The following ERN2 variants were observed in gnomAD, a reference collection of about 807,000 sequenced individuals.
ERN2 encodes the protein endoplasmic reticulum to nucleus signaling 2.
In ERN2, 111 loss-of-function variants were observed where a neutral mutation model predicts 107.9. That is an observed-to-expected ratio of 1.03 (90% CI 0.88 to 1.20). ERN2 has a LOEUF of 1.20. Among genes scored for constraint, ERN2 ranks in the 50% most tolerant of loss-of-function variants. ERN2 has a pLI of 0.00. For synonymous variants in ERN2, 524 were observed against 501.7 expected (o/e 1.04, Z -0.59); for missense variants, 1,225 against 1,197.9 (o/e 1.02, Z -0.33).
In ERN2 at chr16:23,713,104, C is replaced by T; in HGVS notation, c.84G>A (p.Leu28=). 2 of 1,576,528 alleles carry T rather than the reference C, an allele frequency of 1.3e-6. No individual in the cohort carries two copies. Among genetic ancestry groups the T allele is most frequent in the South Asian group, 1.2e-5 (1 of 86,144 alleles). ...GGTCCCTGGCTCTCACCTGTGGACT[C>T]AGCGTCCCGAGCAGCAGCGCCGCGA... ...LQFAALLLGT[L]SPQVHTLRPE... is the part of the protein sequence containing the mutation. Residue 28 remains leucine (L), a synonymous_variant, in exon 1 of 22, where the codon CTG becomes CTA. Transcript: ENST00000256797.
At chr16:23,705,665 C>CTGTCT (rs1960275608) in intron 7 of ERN2, among the ~76,000 whole-genome samples, 1 of 152,144 alleles carries the variant, frequency 6.6e-6, no homozygotes, top group South Asian at 2.1e-4. Context: ...GTAATCCCAG[C>CTGTCT]ACTTTGGGAA....
At chr16:23,691,539 G>A in intron 19 of ERN2, 114 bp from the exon 20 acceptor site, 1 of 1,289,164 alleles carries the variant, frequency 7.8e-7, no homozygotes. Flanking sequence ...TTGCCTCTGG[G>A]GGCGTGAAGC....
rs563334174 is a variant in ERN2 at position 23,701,170 on chromosome 16, C to T, written c.1204-56G>A. On this transcript the variant is annotated intron_variant, in intron 11 of 21. Coordinates refer to ENST00000256797, the MANE Select transcript of ERN2 (RefSeq NM_033266.4). ...CCCCCTTCCACCAGGGAACCCCTAA[C>T]TTTTCTTCATCACCCAGCACAGAGC... is the stretch of plus-strand genomic sequence containing the variant. 6.0e-4 allele frequency: 946 copies of T among 1,568,970 alleles called. 12 individuals carry two copies. The African/African-American group carries it at 0.011, about 18-fold the overall frequency.
rs1316767012 is a variant in ERN2 at position 23,710,157 on chromosome 16, C to G, written c.306+15G>C. The G allele has an allele frequency of 1.3e-6, 2 of 1,597,512 alleles. No individual in the cohort carries two copies. The highest frequency in any genetic ancestry group is 3.3e-5 in the Admixed American group (2 of 59,974). On this transcript the variant is annotated intron_variant, in intron 4 of 21. Coordinates refer to ENST00000256797, the MANE Select transcript of ERN2 (RefSeq NM_033266.4). Reference sequence around the variant, plus strand: ...CCTGGCTCTCACCCATTCCCGAACACCATGGGATACAAACCATTAATCCCT... The same window carrying G: ...CCTGGCTCTCACCCATTCCCGAACAGCATGGGATACAAACCATTAATCCCT...
chr16:23,710,126 G>T, intron 4 of ERN2, 46 bp downstream of exon 4: 1 of 1,381,706 alleles, frequency 7.2e-7, no homozygotes, highest in Non-Finnish European at 1.0e-6. Context: ...TCCAGCTGAC[G>T]AAAGCCCTGG....
At chr16:23,709,332 G>A (rs910399888) in intron 4 of ERN2, 23 of 333,462 alleles carry the variant, frequency 6.9e-5, no homozygotes, top group Admixed American at 6.8e-4. Flanking sequence ...AAGGAATTCC[G>A]ACAAAGCACA....
intron 8 of ERN2, 97 bp from the exon 9 acceptor site, chr16:23,702,799 AT>A: frequency 9.7e-7 from 1 of 1,035,102 alleles, no homozygotes; most frequent in Non-Finnish European, 1.5e-6. Flanking sequence ...TCCCTCTCAC[AT>A]TGACTCAGCT....
chr16:23,694,180 A>G (rs1274430505), intron 17 of ERN2, among the ~76,000 whole-genome samples: 1 of 152,156 alleles, frequency 6.6e-6, no homozygotes, highest in Non-Finnish European at 1.5e-5. Context: ...TGCTTTTGGT[A>G]GAGACGAGGT....
At chr16:23,707,184 T>G in intron 4 of ERN2, 105 bp from the exon 5 acceptor site, 3 of 811,432 alleles carry the variant, frequency 3.7e-6, no homozygotes, top group Non-Finnish European at 6.5e-6. Context: ...GGTATTACTA[T>G]CATTTCCACT....
chr16:23,691,292 T>C lies in ERN2; in HGVS notation c.2500+10A>G. ...TCCACCGCCCAGGCCCACCTGAGTA[T>C]GGCCTCTACCTGTCTGCAGCGGCAT... On this transcript the variant is annotated intron_variant, in intron 20 of 21. Coordinates refer to ENST00000256797, the MANE Select transcript of ERN2 (RefSeq NM_033266.4). The C allele has an allele frequency of 3.1e-6, 5 of 1,611,542 alleles. No homozygotes were observed. Among genetic ancestry groups the C allele is most frequent in the Non-Finnish European group, 4.2e-6 (5 of 1,179,288 alleles).
chr16:23,705,113 C>T lies in ERN2; in HGVS notation c.624G>A (p.Leu208=), dbSNP rs763048017. The T allele has an allele frequency of 5.0e-6, 8 of 1,613,550 alleles. No homozygotes were observed. The Admixed American group carries it at 1.3e-4, about 27-fold the overall frequency. The change falls in exon 8 of 22, where the codon CTG becomes CTA. Residue 208 remains leucine, a synonymous_variant. Coordinates refer to ENST00000256797, the MANE Select transcript of ERN2 (RefSeq NM_033266.4). ...CGCTTCCTGGGTCCACAGTGAGCAGCAGGCCCATCCCGCAGGACGCCAGGT... is the reference window on the plus strand; with the variant it reads ...CGCTTCCTGGGTCCACAGTGAGCAGTAGGCCCATCCCGCAGGACGCCAGGT... ...MSHLASCGMG[L]LLTVDPGSGT...
intron 7 of ERN2, among the ~76,000 whole-genome samples, chr16:23,705,601 T>G (rs1455005614): frequency 6.6e-6 from 1 of 151,852 alleles, no homozygotes; most frequent in Non-Finnish European, 1.5e-5. Context: ...ACTCAGGCAG[T>G]TGGGTATCAG....
At position 23,695,087 on chromosome 16, in the gene ERN2, C is replaced by A. The variant is rs552157277; in HGVS notation, c.1832G>T (p.Gly611Val). The A allele has an allele frequency of 1.9e-6, 3 of 1,613,894 alleles. No individual in the cohort carries two copies. The highest frequency in any genetic ancestry group is 2.5e-6 in the Non-Finnish European group (3 of 1,179,910). ...YVENPDLDRG[G>V]LEPEVVLQQL... is the part of the protein sequence containing the mutation. ...CTGCAGCACGACCTCGGGCTCCAGA[C>A]CCCCGCGATCCAGGTCCGGGTTTTC... Residue 611 changes from glycine (G) to valine (V), a missense_variant, in exon 16 of 22, where the codon GGT (glycine) becomes GTT (valine). Transcript: ENST00000256797.
chr16:23,692,143 T>G, intron 18 of ERN2, 41 bp downstream of exon 18: 1 of 1,613,896 alleles, frequency 6.2e-7, no homozygotes. Flanking sequence ...CCTAGCGTCT[T>G]GCCCGTCCTC....
Position 23,710,922 on chromosome 16 carries a change from G to A in ERN2, c.190C>T (p.Leu64=). 6.2e-7 allele frequency: 1 copy of A among 1,612,850 alleles called. No homozygotes were observed. The highest frequency in any genetic ancestry group is 1.1e-5 in the South Asian group (1 of 91,058). ...ACCACCTCTTGCTCACCATCCCTCAGAGTCCACTTCAGGTCCCCTGTCTGC... is the reference window on the plus strand; with the variant it reads ...ACCACCTCTTGCTCACCATCCCTCAAAGTCCACTTCAGGTCCCCTGTCTGC... ...SKQTGDLKWT[L]RDDPVIEGPM... is the part of the protein sequence containing the mutation. The change falls in exon 2 of 22, where the codon CTG becomes TTG. Residue 64 remains leucine, a synonymous_variant. Transcript: ENST00000256797.
rs1180898638 is a variant in ERN2 at position 23,702,544 on chromosome 16, C to A, written c.934-7G>T. ...CCAGGGTCAGTCCACGAGGCTATGG[C>A]AGAAGATGGAGAGCCATGAGTGAGG... On this transcript the variant is annotated splice_region_variant and splice_polypyrimidine_tract_variant and intron_variant, in intron 9 of 21. Transcript: ENST00000256797. 1 of 1,613,886 alleles carries A rather than the reference C, an allele frequency of 6.2e-7. No individual in the cohort carries two copies. Among genetic ancestry groups the A allele is most frequent in the Admixed American group, 1.7e-5 (1 of 60,010 alleles).
Position 23,695,390 on chromosome 16 carries a change from C to G in ERN2, c.1611-1G>C, listed in dbSNP as rs770565474. 1 of 1,587,976 alleles carries G rather than the reference C, an allele frequency of 6.3e-7. No homozygotes were observed. Among genetic ancestry groups the G allele is most frequent in the Non-Finnish European group, 8.6e-7 (1 of 1,166,990 alleles). Reference sequence around the variant, plus strand: ...CACTGCCCGTCCCTCAAACTGTCCCCTGGAAAGTGGGTGATGGCGGGGGCA... The same window carrying G: ...CACTGCCCGTCCCTCAAACTGTCCCGTGGAAAGTGGGTGATGGCGGGGGCA... On this transcript the variant is annotated splice_acceptor_variant, in intron 14 of 21. Transcript: ENST00000256797. LOFTEE classifies it high-confidence loss of function.
rs1960355002 is a variant in ERN2 at position 23,707,174 on chromosome 16, G to A, written c.307-95C>T. The A allele has an allele frequency of 3.5e-6, 3 of 858,998 alleles. No homozygotes were observed. In the African/African-American group the frequency reaches 5.0e-5, roughly 14 times the overall value. 53.2% of individuals were successfully genotyped at this position (858,998 alleles called of 1,614,324 possible). On this transcript the variant is annotated intron_variant, in intron 4 of 21. Transcript: ENST00000256797. Reference sequence around the variant, plus strand: ...CCATTTCCATAGCAACCAATTAACAGGTATTACTATCATTTCCACTTTTCA... The same window carrying A: ...CCATTTCCATAGCAACCAATTAACAAGTATTACTATCATTTCCACTTTTCA...
Position 23,692,110 on chromosome 16 carries a change from G to T in ERN2, c.2249-20C>A. 1 of 1,613,746 alleles carries T rather than the reference G, an allele frequency of 6.2e-7. No individual in the cohort carries two copies. Among genetic ancestry groups the T allele is most frequent in the Non-Finnish European group, 8.5e-7 (1 of 1,180,022 alleles). ...CCTTGTCTGGAGGATGGAAGAGGAGGAGGAGAGTCTGCTTCAGGCCTGCCT... is the reference window on the plus strand; with the variant it reads ...CCTTGTCTGGAGGATGGAAGAGGAGTAGGAGAGTCTGCTTCAGGCCTGCCT... On this transcript the variant is annotated intron_variant, in intron 18 of 21. Coordinates refer to ENST00000256797, the MANE Select transcript of ERN2 (RefSeq NM_033266.4).
Sources: gnomAD v4.1 joint callset for allele counts (sites outside exome capture counted in the v4.1 genomes callset) on GRCh38, gnomAD v4.1.1 for gene constraint, MANE v1.5 for transcripts, NCBI Gene and HGNC (gene_info 2026-07-23, HGNC 2026-07-21) for gene names.